The following CD47 variants were observed in gnomAD, a reference collection of about 807,000 sequenced individuals.
CD47 encodes leukocyte surface antigen CD47.
Under a neutral mutation model 44.6 loss-of-function variants are expected in CD47, and 11 were observed. The observed-to-expected ratio is 0.25, with a 90% CI of 0.16 to 0.41. The LOEUF is 0.41. Among genes scored for constraint, CD47 ranks in the 10% least tolerant of loss-of-function variants. The pLI, the probability that CD47 is intolerant of heterozygous loss-of-function variation, is 1.00. For missense variants in CD47, 306 were observed against 386.7 expected, an observed-to-expected ratio of 0.79 and a Z score of 1.75; for synonymous variants, 140 against 136.3, an observed-to-expected ratio of 1.03 and a Z score of -0.19.
chr3:108,083,936 T>C (rs2079466866), intron 1 of CD47, among the ~76,000 whole-genome samples: 1 of 150,504 alleles, frequency 6.6e-6, no homozygotes. Flanking sequence ...ATGAATCCCA[T>C]CACCTGAAAG....
intron 1 of CD47, among the ~76,000 whole-genome samples, chr3:108,085,574 C>T (rs966247724): frequency 1.3e-5 from 2 of 152,166 alleles, no homozygotes; most frequent in African/African-American, 4.8e-5. Context: ...CCTACCATTA[C>T]TCAATTGTAT....
chr3:108,085,978 T>C (rs2079513759), intron 1 of CD47, among the ~76,000 whole-genome samples: 1 of 152,124 alleles, frequency 6.6e-6, no homozygotes, highest in South Asian at 2.1e-4. Context: ...ATCACAAGAA[T>C]GTGTCTATGA....
intron 1 of CD47, among the ~76,000 whole-genome samples, chr3:108,084,336 T>A (rs2079476993): frequency 6.6e-6 from 1 of 152,002 alleles, no homozygotes; most frequent in Non-Finnish European, 1.5e-5. Context: ...TCTTTCTTGC[T>A]CTTCTCTCTT....
chr3:108,051,890 T>G (rs1441185510), intron 8 of CD47, 49 bp downstream of exon 8: 2 of 1,398,436 alleles, frequency 1.4e-6, no homozygotes, highest in African/African-American at 1.4e-5. Flanking sequence ...TTCCTCAGTC[T>G]AATCCCTCAA....
At chr3:108,085,014 A>G (rs2079491970) in intron 1 of CD47, among the ~76,000 whole-genome samples, 1 of 151,996 alleles carries the variant, frequency 6.6e-6, no homozygotes, top group African/African-American at 2.4e-5. Context: ...CTTTAACAAC[A>G]CCCTCAACCC....
Position 108,045,093 on chromosome 3 carries a change from T to G in CD47, c.*2195A>C, listed in dbSNP as rs2078701835. 6.6e-6 allele frequency: 1 copy of G among 152,612 alleles called. No individual in the cohort carries two copies. Among genetic ancestry groups the G allele is most frequent in the African/African-American group, 2.4e-5 (1 of 41,432 alleles). The allele number at this position is 152,612 out of a possible 1,614,324, so 9.5% of individuals were successfully genotyped here. ...GCTGACAACTAGTGAGAGCAAGAGTTGGTTTCATCTGGCATTTCCCCCACT... is the reference window on the plus strand; with the variant it reads ...GCTGACAACTAGTGAGAGCAAGAGTGGGTTTCATCTGGCATTTCCCCCACT... On this transcript the variant is annotated 3_prime_UTR_variant, in exon 11 of 11. Transcript: ENST00000361309.
intron 9 of CD47, 94 bp from the exon 10 acceptor site, chr3:108,049,745 G>T: frequency 1.2e-6 from 1 of 829,522 alleles, no homozygotes; most frequent in Non-Finnish European, 2.1e-6. Context: ...ATGCTAACTA[G>T]TCTACAACTC....
intron 2 of CD47, among the ~76,000 whole-genome samples, chr3:108,076,792 G>A (rs941935118): frequency 5.3e-5 from 8 of 152,132 alleles, no homozygotes; most frequent in African/African-American, 1.4e-4. Context: ...TGCCTAGTAC[G>A]GTGACTGGCA....
At chr3:108,048,478 G>A (rs1300900209) in intron 10 of CD47, among the ~76,000 whole-genome samples, 2 of 140,532 alleles carry the variant, frequency 1.4e-5, no homozygotes, top group South Asian at 2.4e-4. Context: ...TCTGCCTCCC[G>A]GGTTCACGCC....
At chr3:108,079,552 G>T (rs2079373557) in intron 2 of CD47, among the ~76,000 whole-genome samples, 1 of 117,408 alleles carries the variant, frequency 8.5e-6, no homozygotes, top group African/African-American at 3.3e-5. Flanking sequence ...TCATCCCTTG[G>T]TCAAAGTGTA....
At position 108,090,927 on chromosome 3, in the gene CD47, G is replaced by C; in HGVS notation, c.-19C>G. The C allele has an allele frequency of 6.8e-7, 1 of 1,465,842 alleles. No homozygotes were observed. Among genetic ancestry groups the C allele is most frequent in the Non-Finnish European group, 9.0e-7 (1 of 1,111,822 alleles). The allele number at this position is 1,465,842 out of a possible 1,614,324, so 90.8% of individuals were successfully genotyped here. A position where few individuals can be genotyped will look rare whatever the true frequency, so the allele number is the denominator to read the frequency against. On this transcript the variant is annotated 5_prime_UTR_variant, in exon 1 of 11. Transcript: ENST00000361309. The stretch of plus-strand genomic sequence containing the variant: ...GCCACATCTCCGCGCCCGCCGCGGG[G>C]TCGCCGCCGCCGCCGCAGGTGTCCG...
At chr3:108,073,883 A>T (rs2079255977) in intron 2 of CD47, among the ~76,000 whole-genome samples, 2 of 152,222 alleles carry the variant, frequency 1.3e-5, no homozygotes, top group South Asian at 2.1e-4. Flanking sequence ...AGTTTTACTC[A>T]TCACATTTGA....
intron 10 of CD47, 126 bp from the exon 11 acceptor site, chr3:108,047,418 GGT>G: frequency 3.7e-6 from 2 of 547,224 alleles, no homozygotes; most frequent in Non-Finnish European, 6.1e-6. Flanking sequence ...GACCTGCAAA[GGT>G]CAGAGACAGA....
At position 108,083,007 on chromosome 3, in the gene CD47, G is replaced by T. The variant is rs534985920; in HGVS notation, c.47-2663C>A. Among the ~76,000 whole-genome samples the T allele has an allele frequency of 1.7e-4, 26 of 152,054 alleles. 1 individual carries two copies. In the South Asian group the frequency reaches 2.7e-3, roughly 16 times the overall value. On this transcript the variant is annotated intron_variant, in intron 1 of 10. Coordinates refer to ENST00000361309, the MANE Select transcript of CD47 (RefSeq NM_001777.4). The stretch of plus-strand genomic sequence containing the variant: ...AAGTAGTAAAACTGTCTGATTTGGG[G>T]TTTTTTCCTTTTGCCTACTCCCTTC...
intron 2 of CD47, among the ~76,000 whole-genome samples, chr3:108,077,657 T>C (rs956571131): frequency 6.6e-6 from 1 of 151,918 alleles, no homozygotes; most frequent in Admixed American, 6.6e-5. Context: ...TGTCCTACTA[T>C]AGGTAAGTGG....
rs139881634 is a variant in CD47 at position 108,076,561 on chromosome 3, T to C, written c.400+3430A>G. On this transcript the variant is annotated intron_variant, in intron 2 of 10. Coordinates refer to ENST00000361309, the MANE Select transcript of CD47 (RefSeq NM_001777.4). ...TAGGTTTAATTCTTGGCTATTACTC[T>C]GACCTTGAACAATACCTTGAATCTC... 2.1e-3 allele frequency among the ~76,000 whole-genome samples: 324 copies of C among 152,320 alleles called. 3 individuals carry two copies. The highest frequency in any genetic ancestry group is 3.9e-3 in the Non-Finnish European group (267 of 68,028).
In CD47 at chr3:108,090,916, C is replaced by T. The variant is rs2079624095; in HGVS notation, c.-8G>A. The T allele has an allele frequency of 6.8e-7, 1 of 1,472,412 alleles. No homozygotes were observed. The highest frequency in any genetic ancestry group is 9.0e-7 in the Non-Finnish European group (1 of 1,116,172). 91.2% of individuals were successfully genotyped at this position (1,472,412 alleles called of 1,614,324 possible). A position where few individuals can be genotyped will look rare whatever the true frequency, so the allele number is the denominator to read the frequency against. On this transcript the variant is annotated 5_prime_UTR_variant, in exon 1 of 11. Transcript: ENST00000361309. ...CGCTACCAGGGGCCACATCTCCGCG[C>T]CCGCCGCGGGGTCGCCGCCGCCGCC...
chr3:108,080,979 A>C (rs547575716), intron 1 of CD47, among the ~76,000 whole-genome samples: 2 of 152,024 alleles, frequency 1.3e-5, no homozygotes, highest in South Asian at 2.1e-4. Context: ...CCATAGCAAA[A>C]TATAGGCAGC....
chr3:108,049,007 T>A (rs2078772385), intron 10 of CD47, among the ~76,000 whole-genome samples: 1 of 152,134 alleles, frequency 6.6e-6, no homozygotes, highest in Non-Finnish European at 1.5e-5. Flanking sequence ...AGAACAAATA[T>A]ATTTCTTTGA....
Sources: allele counts gnomAD v4.1 joint callset (sites outside exome capture counted in the v4.1 genomes callset), GRCh38; gene constraint gnomAD v4.1.1; transcripts MANE v1.5; gene names NCBI Gene and HGNC (gene_info 2026-07-23, HGNC 2026-07-21).